Variants in LIMK2 observed in about 807,000 individuals in gnomAD.
LIMK2 encodes the protein LIM domain kinase 2.
LIMK2 carries 35 observed loss-of-function variants against 75.7 expected under a neutral mutation model. That is an observed-to-expected ratio of 0.46 (90% CI 0.35 to 0.61). The LOEUF (loss-of-function observed/expected upper bound fraction) is 0.61, where lower values mean the gene tolerates loss of function less well. LIMK2 is among the 20% of genes least tolerant of loss of function. The probability of loss-of-function intolerance (pLI) is 0.00; values close to 1 mark genes in which losing one functional copy is unlikely to be tolerated. For missense variants in LIMK2, 623 were observed against 831.0 expected, an observed-to-expected ratio of 0.75 and a Z score of 3.08; for synonymous variants, 301 against 319.2, an observed-to-expected ratio of 0.94 and a Z score of 0.61.
At position 31,257,899 on chromosome 22, in the gene LIMK2, C is replaced by T. The variant is rs79850371; in HGVS notation, c.117-392C>T. 7.2e-3 allele frequency among the ~76,000 whole-genome samples: 1,096 copies of T among 152,310 alleles called. 4 individuals carry two copies. The highest frequency in any genetic ancestry group is 0.024 in the Middle Eastern group (7 of 294). ...TGAAGTATCTGTCAAGACCAGAGAT[C>T]CTTAACTGGTGCCATAAATAGGTTT... is the stretch of plus-strand genomic sequence containing the variant. On this transcript the variant is annotated intron_variant, in intron 2 of 15. Coordinates refer to ENST00000331728, the MANE Select transcript of LIMK2 (RefSeq NM_005569.4).
chr22:31,221,230 G>A (rs1284143440), intron 1 of LIMK2, among the ~76,000 whole-genome samples: 1 of 152,148 alleles, frequency 6.6e-6, no homozygotes, highest in Admixed American at 6.5e-5. Context: ...TGGTTTGCTA[G>A]CCCTTTGGAG....
intron 14 of LIMK2, 107 bp from the exon 15 acceptor site, chr22:31,275,044 C>G: frequency 1.9e-6 from 2 of 1,072,566 alleles, no homozygotes; most frequent in Non-Finnish European, 2.8e-6. Context: ...TATTTTACCA[C>G]CTCCTCTTCT....
intron 5 of LIMK2, 138 bp downstream of exon 5, chr22:31,260,215 C>T: frequency 2.9e-6 from 2 of 685,116 alleles, no homozygotes; most frequent in East Asian, 3.3e-5. Context: ...CCCCACTATG[C>T]TGTAACCGTA....
In LIMK2 at chr22:31,258,353, G is replaced by T. The variant is rs2048805322; in HGVS notation, c.179G>T (p.Cys60Phe). 6.2e-7 allele frequency: 1 copy of T among 1,613,886 alleles called. No individual in the cohort carries two copies. The highest frequency in any genetic ancestry group is 1.7e-5 in the Admixed American group (1 of 60,012). Reference sequence around the variant, plus strand: ...TATGAGAAGGATGGGAAGCTCTACTGCCCCAAGGACTACTGGGGGAAGTTT... The same window carrying T: ...TATGAGAAGGATGGGAAGCTCTACTTCCCCAAGGACTACTGGGGGAAGTTT... Reference protein sequence around the residue: ...WYYEKDGKLYCPKDYWGKFGE... With the variant: ...WYYEKDGKLYFPKDYWGKFGE... The change falls in exon 3 of 16, where the codon TGC (cysteine) becomes TTC (phenylalanine). Residue 60 changes from cysteine to phenylalanine, a missense_variant. Transcript: ENST00000331728.
intron 2 of LIMK2, among the ~76,000 whole-genome samples, chr22:31,251,102 C>T (rs1004637962): frequency 3.9e-5 from 6 of 152,170 alleles, no homozygotes; most frequent in African/African-American, 7.2e-5. Flanking sequence ...ACCACACTAG[C>T]GTGAGAAGTG....
chr22:31,252,379 C>CA (rs113670259), intron 2 of LIMK2, among the ~76,000 whole-genome samples: 20 of 151,874 alleles, frequency 1.3e-4, no homozygotes, highest in Admixed American at 8.5e-4. Context: ...CCTGTCTCTA[C>CA]AAAAAATAAA....
intron 2 of LIMK2, among the ~76,000 whole-genome samples, chr22:31,237,646 T>C (rs2048590834): frequency 6.6e-6 from 1 of 152,100 alleles, no homozygotes; most frequent in Admixed American, 6.5e-5. Flanking sequence ...TAAAAGTGTG[T>C]GTAGCACTGG....
chr22:31,271,575 C>T (rs1254984453), intron 12 of LIMK2, among the ~76,000 whole-genome samples: 3 of 152,148 alleles, frequency 2.0e-5, no homozygotes, highest in Non-Finnish European at 4.4e-5. Flanking sequence ...CTGAGGCCAC[C>T]GAGCTAGTAA....
chr22:31,212,307 C>T lies in LIMK2; in HGVS notation c.-102C>T, dbSNP rs774896549. 20 of 1,234,076 alleles carry T rather than the reference C, an allele frequency of 1.6e-5. No individual in the cohort carries two copies. Among genetic ancestry groups the T allele is most frequent in the Non-Finnish European group, 1.9e-5 (18 of 964,020 alleles). 76.4% of individuals were successfully genotyped at this position (1,234,076 alleles called of 1,614,324 possible). ...CGCGCCTGGGGCTGTGGTCTTCCCG[C>T]GCCTGAGGCGGCGGCGGCAGGAGCT... is the stretch of plus-strand genomic sequence containing the variant. On this transcript the variant is annotated 5_prime_UTR_variant, in exon 1 of 16. Transcript: ENST00000331728.
chr22:31,249,344 G>A (rs940817118), intron 2 of LIMK2, among the ~76,000 whole-genome samples: 1 of 152,160 alleles, frequency 6.6e-6, no homozygotes, highest in African/African-American at 2.4e-5. Context: ...AAAGACCTGG[G>A]CGAGTGCTTC....
At chr22:31,230,820 G>GT (rs1386208284) in intron 2 of LIMK2, among the ~76,000 whole-genome samples, 1 of 152,116 alleles carries the variant, frequency 6.6e-6, no homozygotes, top group Non-Finnish European at 1.5e-5. Flanking sequence ...GGTACTTTCT[G>GT]TGATGCTGAA....
chr22:31,264,386 A>G (rs1453741217), intron 7 of LIMK2, among the ~76,000 whole-genome samples: 1 of 152,222 alleles, frequency 6.6e-6, no homozygotes, highest in African/African-American at 2.4e-5. Flanking sequence ...GGGTAGCCCA[A>G]GTAAAGCAGG....
rs547429764 is a variant in LIMK2, at chr22:31,246,416, G to A, written c.117-11875G>A. Among the ~76,000 whole-genome samples, 11 of 151,736 alleles carry A rather than the reference G, an allele frequency of 7.2e-5. No homozygotes were observed. The East Asian group carries it at 2.1e-3, about 29-fold the overall frequency. On this transcript the variant is annotated intron_variant, in intron 2 of 15. Transcript: ENST00000331728. ...TCTTTCCATAAGTAAATATCTGTTG[G>A]AACATAGCCATGTCCCTTAGTTTAT...
rs369991049 is a variant in LIMK2, at chr22:31,258,277, G to T, written c.117-14G>T. The T allele has an allele frequency of 1.3e-6, 2 of 1,587,786 alleles. No individual in the cohort carries two copies. The highest frequency in any genetic ancestry group is 1.3e-5 in the African/African-American group (1 of 74,298). ...GGGATCCAGGAGAATTTCAGTTCTT[G>T]TCTTGCCTTTCAGGTGTTCAGAATG... On this transcript the variant is annotated splice_polypyrimidine_tract_variant and intron_variant, in intron 2 of 15. Transcript: ENST00000331728.
rs2049059253 is a variant in LIMK2 at position 31,278,948 on chromosome 22, C to T, written c.*507C>T. ...AAGTCAGTGATGCTCCCCCTTTCTA[C>T]TCCAGATCCTGTCCTTCCTGGAGCA... On this transcript the variant is annotated 3_prime_UTR_variant, in exon 16 of 16. Transcript: ENST00000331728. The T allele has an allele frequency of 6.6e-6, 1 of 152,494 alleles. No homozygotes were observed. Among genetic ancestry groups the T allele is most frequent in the Non-Finnish European group, 1.5e-5 (1 of 68,242 alleles). The allele number at this position is 152,494 out of a possible 1,614,324, so 9.4% of individuals were successfully genotyped here.
At chr22:31,248,180 A>G (rs779324688) in intron 2 of LIMK2, among the ~76,000 whole-genome samples, 25 of 151,852 alleles carry the variant, frequency 1.6e-4, no homozygotes, top group Non-Finnish European at 3.1e-4. Flanking sequence ...TGGACGCTCA[A>G]TTGGTCCCAG....
At chr22:31,222,646 T>G (rs1404011532) in intron 1 of LIMK2, 1 of 152,116 alleles carries the variant, frequency 6.6e-6, no homozygotes, top group African/African-American at 2.4e-5. Context: ...AGACAACTTT[T>G]TCATACATGT....
At position 31,265,997 on chromosome 22, in the gene LIMK2, C is replaced by T. The variant is rs2048890717; in HGVS notation, c.906C>T (p.Pro302=). ...CTGGCCCCAGCTCCCCAAAGGAGCC[C>T]CTGCTGTTCAGCCGTGACATCAGCC... ...KSPGPSSPKE[P]LLFSRDISRS... The change falls in exon 8 of 16, where the codon CCC becomes CCT. Residue 302 remains proline, a synonymous_variant. Transcript: ENST00000331728. 6.2e-7 allele frequency: 1 copy of T among 1,614,050 alleles called. No individual in the cohort carries two copies. Among genetic ancestry groups the T allele is most frequent in the South Asian group, 1.1e-5 (1 of 91,084 alleles).
At chr22:31,274,604 T>G (rs1173449781) in intron 14 of LIMK2, among the ~76,000 whole-genome samples, 1 of 152,192 alleles carries the variant, frequency 6.6e-6, no homozygotes, top group East Asian at 1.9e-4. Flanking sequence ...TTTCGCCATA[T>G]TGGCCAGGCT....
Sources: allele counts gnomAD v4.1 joint callset (sites outside exome capture counted in the v4.1 genomes callset), GRCh38; gene constraint gnomAD v4.1.1; transcripts MANE v1.5; gene names NCBI Gene and HGNC (gene_info 2026-07-23, HGNC 2026-07-21).